The following TANC2 variants were observed in gnomAD, a reference collection of about 807,000 sequenced individuals.
TANC2 encodes tetratricopeptide repeat, ankyrin repeat and coiled-coil containing 2.
Under a neutral mutation model 210.5 loss-of-function variants are expected in TANC2, and 26 were observed. That is an observed-to-expected ratio of 0.12 (90% CI 0.09 to 0.17). The LOEUF (loss-of-function observed/expected upper bound fraction) is 0.17, where lower values mean the gene tolerates loss of function less well. Ranked by LOEUF, TANC2 falls within the 10% of genes least tolerant of loss-of-function variation. The pLI is 1.00. For missense variants in TANC2, 2,129 were observed against 2,608.9 expected (o/e 0.82, Z 4.01); for synonymous variants, 931 against 967.1 (o/e 0.96, Z 0.69).
At chr17:63,070,152 G>T (rs761849214) in intron 2 of TANC2, among the ~76,000 whole-genome samples, 22 of 152,110 alleles carry the variant, frequency 1.4e-4, no homozygotes, top group Non-Finnish European at 2.1e-4. Flanking sequence ...AATAGGAAAT[G>T]ATATTACCAC....
chr17:63,193,962 T>C (rs750629814), intron 5 of TANC2, 29 bp from the exon 6 acceptor site: 8 of 1,594,486 alleles, frequency 5.0e-6, no homozygotes, highest in Non-Finnish European at 6.8e-6. Flanking sequence ...TTTGAAAGAT[T>C]CATGTTCTTC....
At chr17:63,303,066 G>C (rs531772374) in intron 9 of TANC2, among the ~76,000 whole-genome samples, 15 of 152,222 alleles carry the variant, frequency 9.9e-5, no homozygotes, top group Admixed American at 6.5e-4. Context: ...CCGGTCATCT[G>C]TGTCTTTTAA....
chr17:63,209,755 C>A (rs117094558), intron 7 of TANC2, among the ~76,000 whole-genome samples: 2 of 152,120 alleles, frequency 1.3e-5, no homozygotes, highest in Non-Finnish European at 2.9e-5. Context: ...TTCAGTATTT[C>A]GCTATTAAGT....
chr17:63,113,834 CTA>C (rs1407287397), intron 4 of TANC2, among the ~76,000 whole-genome samples: 2 of 152,078 alleles, frequency 1.3e-5, no homozygotes, highest in Non-Finnish European at 2.9e-5. Flanking sequence ...TTAGAATTGT[CTA>C]TGTGGTATTA....
chr17:62,979,200 G>T (rs1370046460), intron 1 of TANC2, among the ~76,000 whole-genome samples: 1 of 152,000 alleles, frequency 6.6e-6, no homozygotes, highest in Non-Finnish European at 1.5e-5. Context: ...AGATTTTCAG[G>T]TTTAATCTCA....
At chr17:62,972,237 T>C (rs920516030) in intron 1 of TANC2, among the ~76,000 whole-genome samples, 1 of 152,238 alleles carries the variant, frequency 6.6e-6, no homozygotes, top group African/African-American at 2.4e-5. Context: ...GTTGTTTTTT[T>C]GTTGTGGGCC....
Position 63,418,185 on chromosome 17 carries a change from C to A in TANC2, c.4168-122C>A. ...GCGGCTTGAGCCATGTCAGGCACGT[C>A]TAGCGTCCCAGGCGTTCCATCCATG... On this transcript the variant is annotated intron_variant, in intron 26 of 27. Coordinates refer to ENST00000689528, the Ensembl canonical transcript of TANC2. This position sits in a 1 kb window ranked among gnomAD's most constrained non-coding sequence, Gnocchi z 4.6. 9.9e-7 allele frequency: 1 copy of A among 1,010,574 alleles called. No homozygotes were observed. Among genetic ancestry groups the A allele is most frequent in the Non-Finnish European group, 1.5e-6 (1 of 685,340 alleles). 62.6% of individuals were successfully genotyped at this position (1,010,574 alleles called of 1,614,324 possible). A position where few individuals can be genotyped will look rare whatever the true frequency, so the allele number is the denominator to read the frequency against.
At chr17:63,035,882 T>C (rs376972180) in intron 2 of TANC2, among the ~76,000 whole-genome samples, 14 of 152,302 alleles carry the variant, frequency 9.2e-5, no homozygotes, top group African/African-American at 3.4e-4. Context: ...TTGTCAATTG[T>C]AAAAAATTTT....
chr17:63,398,544 T>G (rs1165996410), intron 18 of TANC2, among the ~76,000 whole-genome samples: 2 of 152,198 alleles, frequency 1.3e-5, no homozygotes, highest in African/African-American at 4.8e-5. Context: ...AAGGATTGCT[T>G]CTTTAACTTA....
intron 2 of TANC2, among the ~76,000 whole-genome samples, chr17:63,019,037 T>G (rs1014941567): frequency 6.6e-6 from 1 of 152,186 alleles, no homozygotes; most frequent in African/African-American, 2.4e-5. Flanking sequence ...AAACATAATT[T>G]TTTATTTCTC....
At chr17:63,025,433 G>A (rs1009288167) in intron 2 of TANC2, among the ~76,000 whole-genome samples, 3 of 152,038 alleles carry the variant, frequency 2.0e-5, no homozygotes, top group Non-Finnish European at 4.4e-5. Context: ...TTGGAAGGTA[G>A]AATGGAATGA....
intron 8 of TANC2, among the ~76,000 whole-genome samples, chr17:63,254,261 T>A (rs2146179608): frequency 6.6e-6 from 1 of 152,362 alleles, no homozygotes; most frequent in East Asian, 1.9e-4. Context: ...GATTACTTTC[T>A]TGATTTCTTT....
At position 62,975,111 on chromosome 17, in the gene TANC2, C is replaced by T. The variant is rs548469780; in HGVS notation, c.-24+8362C>T. Among the ~76,000 whole-genome samples the T allele has an allele frequency of 6.6e-5, 10 of 152,232 alleles. No homozygotes were observed. The South Asian group carries it at 8.3e-4, about 13-fold the overall frequency. On this transcript the variant is annotated intron_variant, in intron 1 of 27. Transcript: ENST00000689528. ...AGATTATAGTTATTGAACTTGGAAA[C>T]GAGAGTGGGTATATAGAGATTGTGA...
intron 4 of TANC2, among the ~76,000 whole-genome samples, chr17:63,135,042 T>A (rs557585039): frequency 6.6e-6 from 1 of 152,052 alleles, no homozygotes; most frequent in Admixed American, 6.5e-5. Context: ...CATAGTGAGA[T>A]CCATCTCTAC....
At chr17:63,342,734 C>G (rs2046278214) in intron 12 of TANC2, among the ~76,000 whole-genome samples, 1 of 152,142 alleles carries the variant, frequency 6.6e-6, no homozygotes, top group African/African-American at 2.4e-5. Flanking sequence ...CAAGATAGTG[C>G]CACTGCACTC....
intron 7 of TANC2, among the ~76,000 whole-genome samples, chr17:63,204,528 G>T (rs1326135990): frequency 6.6e-6 from 1 of 152,068 alleles, no homozygotes; most frequent in East Asian, 1.9e-4. Context: ...TCCTTGGGAG[G>T]CTGAGGCAGG....
At chr17:63,135,084 C>T (rs911770870) in intron 4 of TANC2, among the ~76,000 whole-genome samples, 21 of 152,218 alleles carry the variant, frequency 1.4e-4, no homozygotes, top group African/African-American at 3.1e-4. Flanking sequence ...GGTGTGGTAG[C>T]ATGCGCCTGT....
At chr17:63,372,210 CT>C (rs2047289715) in intron 14 of TANC2, among the ~76,000 whole-genome samples, 1 of 152,104 alleles carries the variant, frequency 6.6e-6, no homozygotes, top group African/African-American at 2.4e-5. Context: ...TAATTTTTAC[CT>C]TGTTTCTTAG....
intron 7 of TANC2, among the ~76,000 whole-genome samples, chr17:63,218,563 G>A (rs956769061): frequency 1.3e-5 from 2 of 152,056 alleles, no homozygotes; most frequent in Non-Finnish European, 2.9e-5. Flanking sequence ...GATACTCTGT[G>A]TATAAAGTTT....
Sources: gnomAD v4.1 joint callset for allele counts (sites outside exome capture counted in the v4.1 genomes callset) on GRCh38, gnomAD v4.1.1 for gene constraint, Gnocchi (gnomAD v3.1) non-coding constraint, MANE v1.5 for transcripts, NCBI Gene and HGNC (gene_info 2026-07-23, HGNC 2026-07-21) for gene names.